The following EVI5 variants were observed in gnomAD, a reference collection of about 807,000 sequenced individuals.
The protein encoded by EVI5 is ecotropic viral integration site 5.
In EVI5, 73 loss-of-function variants were observed where a neutral mutation model predicts 112.0. That is an observed-to-expected ratio of 0.65 (90% CI 0.54 to 0.79). The LOEUF (loss-of-function observed/expected upper bound fraction) is 0.79, where lower values mean the gene tolerates loss of function less well. EVI5 is among the 30% of genes least tolerant of loss of function. The pLI is 0.00. For synonymous variants in EVI5, 305 were observed against 319.9 expected, an observed-to-expected ratio of 0.95 and a Z score of 0.50; for missense variants, 900 against 968.8, an observed-to-expected ratio of 0.93 and a Z score of 0.94.
Position 92,777,202 on chromosome 1 carries a change from T to C in EVI5, c.-82+7634A>G, listed in dbSNP as rs190460789. Among the ~76,000 whole-genome samples the C allele has an allele frequency of 5.0e-3, 761 of 152,270 alleles. 3 individuals carry two copies. Among genetic ancestry groups the C allele is most frequent in the Non-Finnish European group, 8.0e-3 (542 of 68,016 alleles). ...ATCCAGCTGCCTCAGACTCCCAAAG[T>C]GCTGGGATTACAGGCGTGAGCCACC... On this transcript the variant is annotated intron_variant, in intron 1 of 19. Transcript: ENST00000684568.
chr1:92,567,521 C>T (rs542836051), intron 18 of EVI5, among the ~76,000 whole-genome samples: 157 of 152,296 alleles, frequency 1.0e-3, no homozygotes, highest in African/African-American at 3.6e-3. Context: ...TGTTTAGATA[C>T]ACAACTTCTG....
At chr1:92,666,450 G>A (rs1326548564) in intron 10 of EVI5, among the ~76,000 whole-genome samples, 1 of 145,954 alleles carries the variant, frequency 6.9e-6, no homozygotes, top group Non-Finnish European at 1.5e-5. Context: ...GGGAGGCTGA[G>A]GTGGGAGGCT....
chr1:92,744,352 G>T (rs549077582), intron 1 of EVI5, among the ~76,000 whole-genome samples: 1 of 152,056 alleles, frequency 6.6e-6, no homozygotes, highest in Non-Finnish European at 1.5e-5. Flanking sequence ...TTCAGCTATA[G>T]CCTAACTGAT....
chr1:92,783,169 T>G (rs1338603795), intron 1 of EVI5, among the ~76,000 whole-genome samples: 10 of 152,084 alleles, frequency 6.6e-5, no homozygotes, highest in Admixed American at 6.6e-4. Flanking sequence ...TTCAATAACT[T>G]AGTTCTAAGA....
At chr1:92,597,949 C>T (rs1233266485) in intron 18 of EVI5, among the ~76,000 whole-genome samples, 1 of 152,114 alleles carries the variant, frequency 6.6e-6, no homozygotes, top group African/African-American at 2.4e-5. Flanking sequence ...GTCTCAGGTA[C>T]TTGGGAGGCT....
At chr1:92,769,517 C>T (rs1291471192) in intron 1 of EVI5, among the ~76,000 whole-genome samples, 1 of 152,158 alleles carries the variant, frequency 6.6e-6, no homozygotes, top group Non-Finnish European at 1.5e-5. Context: ...AAGAGCTCCA[C>T]ATCCCAATAC....
At chr1:92,735,868 A>G (rs1211532449) in intron 2 of EVI5, among the ~76,000 whole-genome samples, 1 of 146,062 alleles carries the variant, frequency 6.8e-6, no homozygotes, top group Non-Finnish European at 1.5e-5. Context: ...ATAAATAAAT[A>G]TATAAAAGAG....
chr1:92,625,377 G>A (rs3790451), intron 15 of EVI5, among the ~76,000 whole-genome samples: 58,918 of 151,926 alleles, frequency 0.39, 12,988 homozygotes, highest in East Asian at 0.75. Context: ...CCAGATAAAT[G>A]TCATTTATCT....
chr1:92,638,635 C>G (rs1260469526), intron 13 of EVI5, among the ~76,000 whole-genome samples: 4 of 152,106 alleles, frequency 2.6e-5, no homozygotes, highest in Non-Finnish European at 5.9e-5. Context: ...CAGCTAACAT[C>G]TACTCACCAC....
At chr1:92,652,208 C>G (rs920610038) in intron 13 of EVI5, among the ~76,000 whole-genome samples, 5 of 152,170 alleles carry the variant, frequency 3.3e-5, no homozygotes, top group African/African-American at 1.2e-4. Flanking sequence ...CAATGATGGA[C>G]TTTGAAAACA....
At chr1:92,777,095 C>T (rs1684248252) in intron 1 of EVI5, among the ~76,000 whole-genome samples, 1 of 151,974 alleles carries the variant, frequency 6.6e-6, no homozygotes, top group African/African-American at 2.4e-5. Flanking sequence ...AACCACTGCA[C>T]CCAGCCAATT....
chr1:92,546,700 A>T (rs1335144448), intron 19 of EVI5, among the ~76,000 whole-genome samples: 13 of 152,102 alleles, frequency 8.5e-5, no homozygotes, highest in African/African-American at 2.4e-4. Context: ...TATCTCAAAA[A>T]AAATAAATAA....
At position 92,716,172 on chromosome 1, in the gene EVI5, G is replaced by A. The variant is rs146459881; in HGVS notation, c.150-11428C>T. Reference sequence around the variant, plus strand: ...AGACTGCCTCCTCAAGTGGGTTCCTGACCCCCATGTAGCCTAACTGGGAGA... The same window carrying A: ...AGACTGCCTCCTCAAGTGGGTTCCTAACCCCCATGTAGCCTAACTGGGAGA... On this transcript the variant is annotated intron_variant, in intron 2 of 19. Transcript: ENST00000684568. Among the ~76,000 whole-genome samples, 106 of 152,272 alleles carry A rather than the reference G, an allele frequency of 7.0e-4. 1 individual carries two copies. Among genetic ancestry groups the A allele is most frequent in the African/African-American group, 2.5e-3 (104 of 41,558 alleles).
chr1:92,687,210 G>T (rs1178175872), intron 9 of EVI5, among the ~76,000 whole-genome samples: 5 of 152,060 alleles, frequency 3.3e-5, no homozygotes, highest in Admixed American at 6.6e-5. Flanking sequence ...CAATGGAACA[G>T]AACAGAGGCC....
Position 92,660,119 on chromosome 1 carries a change from G to A in EVI5, c.1392+2600C>T, listed in dbSNP as rs569595515. ...GGTGAGGAATGAGAAATTAACTCATGGATACAATATATACTATTCAGCTGA... is the reference window on the plus strand; with the variant it reads ...GGTGAGGAATGAGAAATTAACTCATAGATACAATATATACTATTCAGCTGA... On this transcript the variant is annotated intron_variant, in intron 13 of 19. Transcript: ENST00000684568. Among the ~76,000 whole-genome samples, 3 of 152,022 alleles carry A rather than the reference G, an allele frequency of 2.0e-5. No homozygotes were observed. In the South Asian group the frequency reaches 6.2e-4, roughly 32 times the overall value.
At chr1:92,607,395 A>G (rs1650657015) in intron 17 of EVI5, 186 bp downstream of exon 17, 2 of 428,906 alleles carry the variant, frequency 4.7e-6, no homozygotes, top group East Asian at 7.3e-5. Flanking sequence ...CTTGACTAAA[A>G]TCCACCCCAG....
At chr1:92,790,241 G>A (rs1685987475) in intron 1 of EVI5, among the ~76,000 whole-genome samples, 1 of 152,130 alleles carries the variant, frequency 6.6e-6, no homozygotes, top group African/African-American at 2.4e-5. Flanking sequence ...CCCAAGAGGT[G>A]GAGGTTGCAG....
intron 13 of EVI5, among the ~76,000 whole-genome samples, chr1:92,649,091 A>G (rs1572103116): frequency 1.3e-5 from 2 of 152,358 alleles, no homozygotes; most frequent in East Asian, 3.9e-4. Flanking sequence ...GAGGCACCTC[A>G]TCATGGTTTT....
At chr1:92,595,408 C>T (rs550195185) in intron 18 of EVI5, among the ~76,000 whole-genome samples, 1 of 151,872 alleles carries the variant, frequency 6.6e-6, no homozygotes, top group East Asian at 1.9e-4. Context: ...CACACCGAGG[C>T]CTGTTGTGGG....
Sources: gnomAD v4.1 joint callset for allele counts (sites outside exome capture counted in the v4.1 genomes callset) on GRCh38, gnomAD v4.1.1 for gene constraint, MANE v1.5 for transcripts, NCBI Gene and HGNC (gene_info 2026-07-23, HGNC 2026-07-21) for gene names.